The following LMX1A variants were observed in gnomAD, a reference collection of about 807,000 sequenced individuals.
The protein encoded by LMX1A is LIM homeobox transcription factor 1-alpha.
A neutral mutation model predicts 49.1 loss-of-function variants in LMX1A; 15 were observed. That is an observed-to-expected ratio of 0.31 (90% CI 0.20 to 0.47). The LOEUF (loss-of-function observed/expected upper bound fraction) is 0.47, where lower values mean the gene tolerates loss of function less well. Among genes scored for constraint, LMX1A ranks in the 20% least tolerant of loss-of-function variants. The pLI, the probability that LMX1A is intolerant of heterozygous loss-of-function variation, is 1.00. For synonymous variants in LMX1A, 167 were observed against 185.7 expected, an observed-to-expected ratio of 0.90 and a Z score of 0.82; for missense variants, 372 against 475.8, an observed-to-expected ratio of 0.78 and a Z score of 2.03.
At chr1:165,255,549 C>A (rs995272397) in intron 3 of LMX1A, among the ~76,000 whole-genome samples, 2 of 152,222 alleles carry the variant, frequency 1.3e-5, no homozygotes, top group African/African-American at 4.8e-5. Context: ...CATCTCTGGA[C>A]TAATGAGGAT....
At chr1:165,224,107 T>C (rs1651951699) in intron 4 of LMX1A, among the ~76,000 whole-genome samples, 1 of 152,208 alleles carries the variant, frequency 6.6e-6, no homozygotes, top group Non-Finnish European at 1.5e-5. Flanking sequence ...ATGATGATAG[T>C]GAGTCCTCAT....
intron 3 of LMX1A, among the ~76,000 whole-genome samples, chr1:165,299,960 G>A (rs552576800): frequency 3.3e-5 from 5 of 152,158 alleles, no homozygotes; most frequent in Middle Eastern, 3.4e-3. Context: ...GACCCAGTAC[G>A]ACTATAGGGT....
At position 165,278,857 on chromosome 1, in the gene LMX1A, T is replaced by G. The variant is rs551490879; in HGVS notation, c.264-29217A>C. Among the ~76,000 whole-genome samples the G allele has an allele frequency of 2.0e-5, 3 of 152,298 alleles. No individual in the cohort carries two copies. The South Asian group carries it at 6.2e-4, about 32-fold the overall frequency. On this transcript the variant is annotated intron_variant, in intron 3 of 8. Coordinates refer to ENST00000342310, the MANE Select transcript of LMX1A (RefSeq NM_177398.4). ...GGAGCATTAACCCTGCACCCAGTGCTGCTGAGGTCCCAGAAGGCTGAGAGA... is the reference window on the plus strand; with the variant it reads ...GGAGCATTAACCCTGCACCCAGTGCGGCTGAGGTCCCAGAAGGCTGAGAGA...
chr1:165,316,577 G>C (rs184926622), intron 3 of LMX1A, among the ~76,000 whole-genome samples: 1 of 152,174 alleles, frequency 6.6e-6, no homozygotes, highest in African/African-American at 2.4e-5. Context: ...GGAAAAACTG[G>C]GGCTTCCCGG....
intron 3 of LMX1A, among the ~76,000 whole-genome samples, chr1:165,315,726 G>A (rs971993583): frequency 6.6e-6 from 1 of 152,144 alleles, no homozygotes; most frequent in African/African-American, 2.4e-5. Context: ...AAACCATCAA[G>A]GAGGCACCAT....
At chr1:165,223,715 A>G (rs1159109614) in intron 4 of LMX1A, among the ~76,000 whole-genome samples, 1 of 152,154 alleles carries the variant, frequency 6.6e-6, no homozygotes, top group Non-Finnish European at 1.5e-5. Flanking sequence ...TTACTCAAGC[A>G]TATTCAAACA....
intron 3 of LMX1A, among the ~76,000 whole-genome samples, chr1:165,250,979 G>C (rs1653040113): frequency 6.6e-6 from 1 of 152,164 alleles, no homozygotes; most frequent in South Asian, 2.1e-4. Flanking sequence ...CACCAAGTTA[G>C]AGGCAGGTAC....
At chr1:165,241,597 A>G (rs561077764) in intron 4 of LMX1A, among the ~76,000 whole-genome samples, 1 of 152,316 alleles carries the variant, frequency 6.6e-6, no homozygotes, top group South Asian at 2.1e-4. Flanking sequence ...ATGCACTACA[A>G]TACGGAGGAT....
At chr1:165,351,615 A>T (rs569460164) in intron 3 of LMX1A, among the ~76,000 whole-genome samples, 1 of 152,336 alleles carries the variant, frequency 6.6e-6, no homozygotes, top group East Asian at 1.9e-4. Flanking sequence ...TAGTTCTGAA[A>T]AAAGCCAAGC....
At chr1:165,242,323 A>T (rs1652685172) in intron 4 of LMX1A, among the ~76,000 whole-genome samples, 2 of 152,174 alleles carry the variant, frequency 1.3e-5, no homozygotes, top group South Asian at 4.1e-4. Context: ...GGGACTTCAC[A>T]ACCAGGCTTC....
chr1:165,280,694 T>G (rs1351119896), intron 3 of LMX1A, among the ~76,000 whole-genome samples: 2 of 152,196 alleles, frequency 1.3e-5, no homozygotes, highest in African/African-American at 4.8e-5. Context: ...TTAGTCTGCT[T>G]TTCTATTGCA....
intron 3 of LMX1A, among the ~76,000 whole-genome samples, chr1:165,287,981 T>G (rs1351331702): frequency 6.6e-6 from 1 of 152,212 alleles, no homozygotes; most frequent in East Asian, 1.9e-4. Context: ...ATTGCGTTAT[T>G]CATTAACTTC....
chr1:165,321,441 AT>A (rs1407013093), intron 3 of LMX1A, among the ~76,000 whole-genome samples: 2 of 152,216 alleles, frequency 1.3e-5, no homozygotes, highest in East Asian at 1.9e-4. Flanking sequence ...TACTAAAAAA[AT>A]AAACATATGT....
chr1:165,329,174 T>C (rs1655669719), intron 3 of LMX1A, among the ~76,000 whole-genome samples: 2 of 152,162 alleles, frequency 1.3e-5, no homozygotes, highest in African/African-American at 4.8e-5. Flanking sequence ...AGAGAGCGTA[T>C]GTAACAGGAA....
intron 3 of LMX1A, among the ~76,000 whole-genome samples, chr1:165,297,171 C>G (rs1295779449): frequency 6.6e-6 from 1 of 152,238 alleles, no homozygotes; most frequent in Non-Finnish European, 1.5e-5. Context: ...CCTCTGTTCA[C>G]TCAAACCCTT....
At chr1:165,215,396 C>A (rs1453122241) in intron 4 of LMX1A, among the ~76,000 whole-genome samples, 1 of 152,224 alleles carries the variant, frequency 6.6e-6, no homozygotes, top group Non-Finnish European at 1.5e-5. Flanking sequence ...TCTCTGGGTT[C>A]TCACAGAGCT....
chr1:165,205,211 A>G (rs1385951469), intron 8 of LMX1A, among the ~76,000 whole-genome samples: 1 of 152,200 alleles, frequency 6.6e-6, no homozygotes, highest in Non-Finnish European at 1.5e-5. Flanking sequence ...GCTGAGGTTG[A>G]ACTTGAGCCT....
In LMX1A at chr1:165,356,590, A is replaced by C. The variant is rs6665572; in HGVS notation, c.-258T>G. 0.12 allele frequency: 18,984 copies of C among 152,316 alleles called. 1,514 individuals are homozygous for C. Among genetic ancestry groups the C allele is most frequent in the Middle Eastern group, 0.2 (57 of 292 alleles). 9.4% of individuals were successfully genotyped at this position (152,316 alleles called of 1,614,324 possible). A position where few individuals can be genotyped will look rare whatever the true frequency, so the allele number is the denominator to read the frequency against. On this transcript the variant is annotated 5_prime_UTR_variant, in exon 1 of 9. Transcript: ENST00000342310. ...GCCGGCCTTCCCGGGACGTCCTACC[A>C]GCCCGCGTCGCTCCTCAGCGGGAGG... is the stretch of plus-strand genomic sequence containing the variant.
chr1:165,276,789 A>G (rs1653983439), intron 3 of LMX1A, among the ~76,000 whole-genome samples: 2 of 152,254 alleles, frequency 1.3e-5, no homozygotes, highest in African/African-American at 4.8e-5. Context: ...AGCATCAGTA[A>G]GATAATGCAT....
Sources: gnomAD v4.1 joint callset for allele counts (sites outside exome capture counted in the v4.1 genomes callset) on GRCh38, gnomAD v4.1.1 for gene constraint, MANE v1.5 for transcripts, NCBI Gene and HGNC (gene_info 2026-07-23, HGNC 2026-07-21) for gene names.